Variants in MTAP observed in about 807,000 individuals in gnomAD.
MTAP encodes S-methyl-5'-thioadenosine phosphorylase.
In MTAP, 33 loss-of-function variants were observed where a neutral mutation model predicts 33.6. That is an observed-to-expected ratio of 0.98 (90% CI 0.74 to 1.31). MTAP has a LOEUF of 1.31. MTAP is among the 40% of genes most tolerant of loss of function. The pLI, the probability that MTAP is intolerant of heterozygous loss-of-function variation, is 0.00. For missense variants in MTAP, 367 were observed against 360.0 expected (o/e 1.02, Z -0.16); for synonymous variants, 148 against 125.7 (o/e 1.18, Z -1.19).
chr9:21,938,487 G>A (rs1269309337), downstream of MTAP, among the ~76,000 whole-genome samples: 1 of 151,914 alleles, frequency 6.6e-6, no homozygotes. Context: ...GAAAAAAAGA[G>A]AATTGCATAG....
intron 1 of MTAP, among the ~76,000 whole-genome samples, chr9:21,881,148 C>T (rs1278179845): frequency 6.6e-6 from 1 of 151,994 alleles, no homozygotes; most frequent in East Asian, 1.9e-4. Flanking sequence ...GCCAAAATCA[C>T]TCAACAGGCA....
downstream of MTAP, among the ~76,000 whole-genome samples, chr9:21,938,474 AAAG>A (rs146517469): frequency 0.016 from 2,376 of 152,070 alleles, 62 homozygotes; most frequent in African/African-American, 0.051. Flanking sequence ...AGAAAGAAAG[AAAG>A]AAAAAAAGAG....
chr9:21,803,628 C>T lies in MTAP; in HGVS notation c.33+847C>T, dbSNP rs138207661. 4.2e-3 allele frequency among the ~76,000 whole-genome samples: 642 copies of T among 152,244 alleles called. 8 individuals carry two copies. The highest frequency in any genetic ancestry group is 0.015 in the African/African-American group (616 of 41,530). ...CTTCCCTGGGGTTTTAAACACTTCT[C>T]TCCTGGTTAGTATTCCGAGAGAGAA... On this transcript the variant is annotated intron_variant, in intron 1 of 7. Transcript: ENST00000644715.
chr9:21,909,747 A>G (rs1818539124), intron 1 of MTAP, among the ~76,000 whole-genome samples: 1 of 152,182 alleles, frequency 6.6e-6, no homozygotes, highest in Non-Finnish European at 1.5e-5. Flanking sequence ...CATGTGCCAG[A>G]TAGTATGGCA....
At chr9:21,830,319 T>C (rs1824935524) in intron 4 of MTAP, among the ~76,000 whole-genome samples, 1 of 152,184 alleles carries the variant, frequency 6.6e-6, no homozygotes, top group Non-Finnish European at 1.5e-5. Flanking sequence ...AAATTAAAAA[T>C]AGGAAAATCA....
At chr9:21,834,687 G>A (rs1825059181) in intron 4 of MTAP, among the ~76,000 whole-genome samples, 1 of 152,326 alleles carries the variant, frequency 6.6e-6, no homozygotes, top group East Asian at 1.9e-4. Flanking sequence ...CTCATGTGAA[G>A]ACATGCCGCA....
intron 1 of MTAP, among the ~76,000 whole-genome samples, chr9:21,917,787 A>G (rs545614039): frequency 1.1e-4 from 16 of 152,372 alleles, no homozygotes; most frequent in African/African-American, 2.2e-4. Flanking sequence ...ACACATGTAC[A>G]TGTATGTTTA....
intron 5 of MTAP, among the ~76,000 whole-genome samples, chr9:21,845,656 T>A (rs1825361544): frequency 6.6e-6 from 1 of 152,106 alleles, no homozygotes. Context: ...CCATCATTCT[T>A]CACAGAAATA....
At chr9:21,852,288 C>T (rs1377238389) in intron 5 of MTAP, among the ~76,000 whole-genome samples, 3 of 151,976 alleles carry the variant, frequency 2.0e-5, no homozygotes, top group African/African-American at 4.8e-5. Context: ...GTGGGTGGAT[C>T]ACAAGGTCAG....
At chr9:21,838,147 A>G in intron 5 of MTAP, 137 bp downstream of exon 5, 1 of 631,120 alleles carries the variant, frequency 1.6e-6, no homozygotes, top group Non-Finnish European at 2.8e-6. Context: ...AGTTTTATGA[A>G]GAGTTATTTC....
intron 1 of MTAP, among the ~76,000 whole-genome samples, chr9:21,901,382 T>G (rs1818390486): frequency 6.6e-6 from 1 of 152,150 alleles, no homozygotes; most frequent in Admixed American, 6.5e-5. Flanking sequence ...CAATTTTAAG[T>G]TTAATAGCAC....
intron 1 of MTAP, among the ~76,000 whole-genome samples, chr9:21,914,857 G>GA (rs200216487): frequency 0.04 from 5,953 of 148,280 alleles, 329 homozygotes; most frequent in African/African-American, 0.12. Flanking sequence ...TGGAAAAATA[G>GA]AAAAAAAAAG....
chr9:21,915,010 TCCTTCCTTC>T lies in MTAP; in HGVS notation c.148-15996_148-15988del, dbSNP rs1563869330. Among the ~76,000 whole-genome samples, 204 of 74,464 alleles carry T rather than the reference TCCTTCCTTC, an allele frequency of 2.7e-3. 12 individuals are homozygous for T. Among genetic ancestry groups the T allele is most frequent in the African/African-American group, 0.016 (194 of 12,242 alleles). 48.9% of individuals were successfully genotyped at this position (74,464 alleles called of 152,430 possible). A position where few individuals can be genotyped will look rare whatever the true frequency, so the allele number is the denominator to read the frequency against. On this transcript the variant is annotated intron_variant, in intron 1 of 1. Coordinates refer to the MTAP transcript ENST00000577563. ...CAATACTTTGTTTTCTTTCCTTCCT[TCCTTCCTTC>T]CTTCCTTCCTTCCTTCCTTCCTTCC...
chr9:21,861,649 G>A (rs1017300012), intron 7 of MTAP: 1 of 271,014 alleles, frequency 3.7e-6, no homozygotes, highest in African/African-American at 2.2e-5. Flanking sequence ...TTCTTACAGT[G>A]GGGTAAGGAT....
intron 1 of MTAP, among the ~76,000 whole-genome samples, chr9:21,901,805 A>G (rs1301684825): frequency 1.3e-5 from 2 of 152,212 alleles, no homozygotes; most frequent in East Asian, 1.9e-4. Flanking sequence ...TGCCATCACA[A>G]TACAAATAAA....
intron 5 of MTAP, among the ~76,000 whole-genome samples, chr9:21,850,741 C>T (rs150082449): frequency 6.9e-4 from 105 of 152,318 alleles, no homozygotes; most frequent in African/African-American, 2.3e-3. Context: ...AGTCACCATG[C>T]GACCTGAACT....
At chr9:21,933,950 T>C (rs910005074), downstream of MTAP, 2 of 152,208 alleles carry the variant, frequency 1.3e-5, no homozygotes, top group African/African-American at 4.8e-5. Context: ...CAAATGTTCT[T>C]CAAGTTGATA....
chr9:21,902,131 A>G (rs1283763756), intron 1 of MTAP, among the ~76,000 whole-genome samples: 1 of 152,228 alleles, frequency 6.6e-6, no homozygotes, highest in Admixed American at 6.5e-5. Flanking sequence ...CACAAAATCT[A>G]CTAGGAAGAA....
intron 1 of MTAP, among the ~76,000 whole-genome samples, chr9:21,913,787 T>C (rs549548713): frequency 2.6e-5 from 4 of 152,282 alleles, no homozygotes; most frequent in African/African-American, 9.6e-5. Context: ...TGGGATCTAA[T>C]TAAACTAAAG....
Sources: gnomAD v4.1 joint callset for allele counts (sites outside exome capture counted in the v4.1 genomes callset) on GRCh38, gnomAD v4.1.1 for gene constraint, MANE v1.5 for transcripts, NCBI Gene and HGNC (gene_info 2026-07-23, HGNC 2026-07-21) for gene names.